The following HDAC9 variants were observed in gnomAD, a reference collection of about 807,000 sequenced individuals.
The protein encoded by HDAC9 is MEF-2 interacting transcription repressor (MITR) protein.
Under a neutral mutation model 139.4 loss-of-function variants are expected in HDAC9, and 41 were observed. The ratio of observed to expected loss-of-function variants is 0.29; its 90% CI spans 0.23 to 0.38. The LOEUF is 0.38. HDAC9 is among the 10% of genes least tolerant of loss of function. The pLI is 1.00. For synonymous variants in HDAC9, 517 were observed against 476.2 expected, an observed-to-expected ratio of 1.09 and a Z score of -1.12; for missense variants, 1,147 against 1,297.0, an observed-to-expected ratio of 0.88 and a Z score of 1.78.
chr7:18,804,870 C>A (rs1196655124), intron 17 of HDAC9, among the ~76,000 whole-genome samples: 1 of 152,200 alleles, frequency 6.6e-6, no homozygotes, highest in Non-Finnish European at 1.5e-5. Flanking sequence ...TCTCTGCTCA[C>A]TGCAACCTCT....
intron 21 of HDAC9, among the ~76,000 whole-genome samples, chr7:18,842,426 A>C (rs777346165): frequency 6.6e-6 from 1 of 152,148 alleles, no homozygotes; most frequent in African/African-American, 2.4e-5. Context: ...CTTGTCAATC[A>C]ATCTTAGTAA....
At chr7:18,392,796 C>A (rs1786654518) in intron 1 of HDAC9, among the ~76,000 whole-genome samples, 2 of 151,730 alleles carry the variant, frequency 1.3e-5, no homozygotes, top group South Asian at 4.2e-4. Context: ...CTAGAAAGAA[C>A]CAGCGAGGGC....
intron 1 of HDAC9, among the ~76,000 whole-genome samples, chr7:18,131,628 G>C (rs1785017531): frequency 6.6e-6 from 1 of 152,154 alleles, no homozygotes; most frequent in Non-Finnish European, 1.5e-5. Context: ...GGAAGAGTCA[G>C]TGTGTTTCCT....
intron 13 of HDAC9, among the ~76,000 whole-genome samples, chr7:18,733,140 T>A (rs1265878902): frequency 6.8e-6 from 1 of 146,652 alleles, no homozygotes; most frequent in Non-Finnish European, 1.5e-5. Context: ...TATATACACA[T>A]GTATACACAT....
chr7:18,458,957 A>AGTGG, intron 1 of HDAC9: 1 of 1,232,436 alleles, frequency 8.1e-7, no homozygotes. Context: ...GCTGAACATG[A>AGTGG]GTGGGTGACT....
intron 22 of HDAC9, among the ~76,000 whole-genome samples, chr7:18,923,694 T>G (rs1212784480): frequency 6.6e-6 from 1 of 152,094 alleles, no homozygotes; most frequent in Non-Finnish European, 1.5e-5. Context: ...GCATTTTATA[T>G]AAGTTGGATA....
intron 17 of HDAC9, among the ~76,000 whole-genome samples, chr7:18,827,106 A>G (rs573185623): frequency 1.3e-5 from 2 of 151,664 alleles, no homozygotes; most frequent in Non-Finnish European, 1.5e-5. Context: ...CTATATATAT[A>G]TGAAATTATA....
At chr7:18,884,542 A>T (rs1395191340) in intron 22 of HDAC9, among the ~76,000 whole-genome samples, 1 of 152,190 alleles carries the variant, frequency 6.6e-6, no homozygotes, top group East Asian at 1.9e-4. Flanking sequence ...AAAAAAAATC[A>T]ACTCAAAATG....
intron 8 of HDAC9, among the ~76,000 whole-genome samples, chr7:18,636,664 G>A (rs1783994373): frequency 6.6e-6 from 1 of 151,926 alleles, no homozygotes; most frequent in African/African-American, 2.4e-5. Flanking sequence ...TTACTATCCT[G>A]TTACCCCTCT....
intron 11 of HDAC9, among the ~76,000 whole-genome samples, chr7:18,650,012 C>T (rs977859317): frequency 4.6e-5 from 7 of 152,102 alleles, no homozygotes; most frequent in South Asian, 2.1e-4. Flanking sequence ...GCAAATATTT[C>T]GGTTTCATAT....
chr7:18,676,160 A>G (rs978285496), intron 12 of HDAC9, among the ~76,000 whole-genome samples: 2 of 152,004 alleles, frequency 1.3e-5, no homozygotes, highest in African/African-American at 4.8e-5. Flanking sequence ...CTAGTAGCCT[A>G]TAGGGGGTTC....
intron 1 of HDAC9, among the ~76,000 whole-genome samples, chr7:18,421,324 A>G (rs1166521390): frequency 6.6e-6 from 1 of 150,688 alleles, no homozygotes; most frequent in Admixed American, 6.6e-5. Flanking sequence ...AAATGAGAAA[A>G]TATGACATCT....
intron 2 of HDAC9, among the ~76,000 whole-genome samples, chr7:18,577,253 C>T (rs1403036560): frequency 2.0e-5 from 3 of 152,182 alleles, no homozygotes; most frequent in African/African-American, 7.2e-5. Flanking sequence ...AAGTCTCCTG[C>T]CTACCTTTCT....
At chr7:18,820,865 CG>C (rs1794912526) in intron 17 of HDAC9, among the ~76,000 whole-genome samples, 1 of 152,098 alleles carries the variant, frequency 6.6e-6, no homozygotes, top group Non-Finnish European at 1.5e-5. Flanking sequence ...TCTCAGAAAT[CG>C]GGGTTGGCAA....
At chr7:18,121,717 T>G (rs544000894) in intron 1 of HDAC9, among the ~76,000 whole-genome samples, 1 of 152,298 alleles carries the variant, frequency 6.6e-6, no homozygotes, top group East Asian at 1.9e-4. Flanking sequence ...TTTCAAAGCA[T>G]CAGGAACACT....
At chr7:18,464,802 T>C (rs752436189) in intron 1 of HDAC9, among the ~76,000 whole-genome samples, 3 of 152,068 alleles carry the variant, frequency 2.0e-5, no homozygotes, top group Non-Finnish European at 2.9e-5. Flanking sequence ...TGTTTTGATA[T>C]AACCCCCTCT....
chr7:18,697,707 G>A (rs1401357967), intron 12 of HDAC9, among the ~76,000 whole-genome samples: 1 of 152,128 alleles, frequency 6.6e-6, no homozygotes, highest in Admixed American at 6.5e-5. Context: ...CATGGGACCT[G>A]TGAGGAAATT....
At chr7:18,467,145 C>T (rs1383002298) in intron 1 of HDAC9, among the ~76,000 whole-genome samples, 1 of 152,164 alleles carries the variant, frequency 6.6e-6, no homozygotes, top group Non-Finnish European at 1.5e-5. Flanking sequence ...CAAAATATCT[C>T]ACCGTCTTCT....
At position 18,263,650 on chromosome 7, in the gene HDAC9, C is replaced by T. The variant is rs565973755; in HGVS notation, c.25+101301C>T. Reference sequence around the variant, plus strand: ...TTGAGACCGAGTCTTGCTCTGTCACCTAGGCTGGAGTGCAGTGGTGTGATC... The same window carrying T: ...TTGAGACCGAGTCTTGCTCTGTCACTTAGGCTGGAGTGCAGTGGTGTGATC... On this transcript the variant is annotated intron_variant, in intron 2 of 12. Transcript: ENST00000417496. Among the ~76,000 whole-genome samples, 9 of 151,320 alleles carry T rather than the reference C, an allele frequency of 5.9e-5. No homozygotes were observed. In the South Asian group the frequency reaches 1.0e-3, roughly 18 times the overall value.
Sources: allele counts gnomAD v4.1 joint callset (sites outside exome capture counted in the v4.1 genomes callset), GRCh38; gene constraint gnomAD v4.1.1; transcripts MANE v1.5; gene names NCBI Gene and HGNC (gene_info 2026-07-23, HGNC 2026-07-21).